CSMD1: variants seen among roughly 807,000 people sequenced by gnomAD.
CSMD1 encodes CUB and sushi domain-containing protein 1.
In CSMD1, 213 loss-of-function variants were observed where a neutral mutation model predicts 417.5. That is an observed-to-expected ratio of 0.51 (90% CI 0.46 to 0.57). The LOEUF is 0.57. CSMD1 is among the 20% of genes least tolerant of loss of function. The pLI is 0.00. For synonymous variants in CSMD1, 2,862 were observed against 1,736.8 expected (o/e 1.65, Z -16.11); for missense variants, 6,923 against 4,529.7 (o/e 1.53, Z -15.17).
intron 23 of CSMD1, among the ~76,000 whole-genome samples, chr8:3,311,487 T>A (rs1425642823): frequency 6.6e-6 from 1 of 152,130 alleles, no homozygotes; most frequent in East Asian, 1.9e-4. Flanking sequence ...TGACCTCAAG[T>A]GATTTGCTTG....
chr8:3,299,096 A>G (rs143921730), intron 25 of CSMD1, among the ~76,000 whole-genome samples: 28 of 152,182 alleles, frequency 1.8e-4, no homozygotes, highest in African/African-American at 6.5e-4. Context: ...TTTTTATTCA[A>G]ATGTAAAATT....
chr8:4,730,398 A>C (rs1319282905), intron 1 of CSMD1, among the ~76,000 whole-genome samples: 2 of 152,192 alleles, frequency 1.3e-5, no homozygotes. Flanking sequence ...TATGGGAATA[A>C]AAAGTAGTTG....
chr8:4,855,109 G>A (rs944527832), intron 1 of CSMD1, among the ~76,000 whole-genome samples: 22 of 152,014 alleles, frequency 1.4e-4, no homozygotes, highest in African/African-American at 4.8e-4. Flanking sequence ...CCTGACCCCT[G>A]ACCCCCGAGC....
chr8:4,165,164 TGATACCTAC>T, intron 3 of CSMD1, among the ~76,000 whole-genome samples: 1 of 152,292 alleles, frequency 6.6e-6, no homozygotes, highest in South Asian at 2.1e-4. Context: ...CTGCTTAATA[TGATACCTAC>T]GCCTAGCCAG....
At chr8:3,520,019 C>CATATATATATATATATATATAT (rs1491479503) in intron 10 of CSMD1, among the ~76,000 whole-genome samples, 62 of 114,018 alleles carry the variant, frequency 5.4e-4, no homozygotes, top group African/African-American at 2.4e-3. Context: ...TGTGTATATA[C>CATATATATATATATATATATAT]CTATATATAT....
rs576477724 is a variant in CSMD1 at position 3,428,788 on chromosome 8, G to A, written c.1562-19183C>T. ...CTGCAGAATCATTCACAATAGCCAA[G>A]ATACGGAAAGAACCGAGGTGTCAAT... is the stretch of plus-strand genomic sequence containing the variant. On this transcript the variant is annotated intron_variant, in intron 12 of 69. Transcript: ENST00000635120. Among the ~76,000 whole-genome samples, 9 of 152,222 alleles carry A rather than the reference G, an allele frequency of 5.9e-5. No homozygotes were observed. The South Asian group carries it at 1.9e-3, about 32-fold the overall frequency.
rs1043765395 is a variant in CSMD1, at chr8:4,486,247, A to G, written c.303-66182T>C. ...TATACATACATATATATATATATAC[A>G]TACATATATATATATATATATATAT... is the stretch of plus-strand genomic sequence containing the variant. On this transcript the variant is annotated intron_variant, in intron 2 of 69. Coordinates refer to ENST00000635120, the MANE Select transcript of CSMD1 (RefSeq NM_033225.6). Among the ~76,000 whole-genome samples the G allele has an allele frequency of 1.1e-3, 44 of 40,840 alleles. 1 individual carries two copies. The highest frequency in any genetic ancestry group is 6.7e-4 in the East Asian group (1 of 1,502). 26.8% of individuals were successfully genotyped at this position (40,840 alleles called of 152,430 possible). A position where few individuals can be genotyped will look rare whatever the true frequency, so the allele number is the denominator to read the frequency against.
rs547320058 is a variant in CSMD1, at chr8:4,243,787, A to C, written c.415+176166T>G. On this transcript the variant is annotated intron_variant, in intron 3 of 69. Coordinates refer to ENST00000635120, the MANE Select transcript of CSMD1 (RefSeq NM_033225.6). ...CTAGTATTCAACGAGGAAAGAAAGA[A>C]AAGCAAATCATGACAAGGTCATCTT... is the stretch of plus-strand genomic sequence containing the variant. Among the ~76,000 whole-genome samples, 9 of 152,362 alleles carry C rather than the reference A, an allele frequency of 5.9e-5. No homozygotes were observed. The East Asian group carries it at 1.7e-3, about 29-fold the overall frequency.
At chr8:4,048,342 A>G (rs538393753) in intron 3 of CSMD1, among the ~76,000 whole-genome samples, 1 of 152,284 alleles carries the variant, frequency 6.6e-6, no homozygotes, top group South Asian at 2.1e-4. Flanking sequence ...TCAATAACTT[A>G]TTTTAACCAT....
intron 5 of CSMD1, among the ~76,000 whole-genome samples, chr8:3,802,980 T>C (rs967074586): frequency 1.3e-5 from 2 of 152,150 alleles, no homozygotes; most frequent in Non-Finnish European, 2.9e-5. Context: ...GATCATGTTG[T>C]AGGGTGAAAT....
At chr8:3,845,277 G>A (rs142150738) in intron 5 of CSMD1, among the ~76,000 whole-genome samples, 24 of 152,232 alleles carry the variant, frequency 1.6e-4, no homozygotes, top group African/African-American at 4.1e-4. Flanking sequence ...TGCAAATATC[G>A]TAGAGTGAAC....
At chr8:4,834,978 AAAGAAAGAAAGAAAG>A (rs1800384273) in intron 1 of CSMD1, among the ~76,000 whole-genome samples, 2 of 21,044 alleles carry the variant, frequency 9.5e-5, no homozygotes, top group Non-Finnish European at 1.7e-4. Flanking sequence ...AAAAAAAAAA[AAAGAAAGAAAGAAAG>A]AAAGAAAGAA....
At chr8:3,628,404 C>A (rs138747017) in intron 7 of CSMD1, among the ~76,000 whole-genome samples, 378 of 152,348 alleles carry the variant, frequency 2.5e-3, no homozygotes, top group African/African-American at 8.7e-3. Flanking sequence ...GTCATGGGGA[C>A]TTGGCCCAAA....
At chr8:3,172,118 A>G (rs924392801) in intron 37 of CSMD1, among the ~76,000 whole-genome samples, 1 of 152,212 alleles carries the variant, frequency 6.6e-6, no homozygotes, top group African/African-American at 2.4e-5. Context: ...AATGACTTCC[A>G]ATTATTCTTA....
intron 3 of CSMD1, among the ~76,000 whole-genome samples, chr8:4,380,018 A>G (rs1400261660): frequency 2.6e-5 from 4 of 152,228 alleles, no homozygotes; most frequent in Admixed American, 6.5e-5. Flanking sequence ...CTGAAACTCA[A>G]TGTGGGTAGC....
chr8:3,784,131 CCT>C (rs1014065338), intron 5 of CSMD1, among the ~76,000 whole-genome samples: 1 of 145,978 alleles, frequency 6.9e-6, no homozygotes, highest in East Asian at 2.2e-4. Flanking sequence ...AATTCTTTTT[CCT>C]CTCTCTTTCT....
intron 5 of CSMD1, among the ~76,000 whole-genome samples, chr8:3,822,599 T>G (rs1208439992): frequency 6.6e-6 from 1 of 152,218 alleles, no homozygotes; most frequent in Non-Finnish European, 1.5e-5. Context: ...CTTTTTTCTC[T>G]GGGCACCACC....
At chr8:4,286,507 G>T (rs1475876681) in intron 3 of CSMD1, among the ~76,000 whole-genome samples, 2 of 152,010 alleles carry the variant, frequency 1.3e-5, no homozygotes, top group Non-Finnish European at 2.9e-5. Flanking sequence ...GCACAGGAAG[G>T]AAGACACTCT....
chr8:4,502,312 A>G (rs1802300600), intron 2 of CSMD1, among the ~76,000 whole-genome samples: 1 of 152,160 alleles, frequency 6.6e-6, no homozygotes, highest in African/African-American at 2.4e-5. Flanking sequence ...CTTTACAGTA[A>G]TACGAGGACA....
Sources: allele counts gnomAD v4.1 joint callset (sites outside exome capture counted in the v4.1 genomes callset), GRCh38; gene constraint gnomAD v4.1.1; transcripts MANE v1.5; gene names NCBI Gene and HGNC (gene_info 2026-07-23, HGNC 2026-07-21).